The following SLC11A2 variants were observed in gnomAD, a reference collection of about 807,000 sequenced individuals.
SLC11A2 encodes the protein natural resistance-associated macrophage protein 2.
A neutral mutation model predicts 68.0 loss-of-function variants in SLC11A2; 38 were observed. The ratio of observed to expected loss-of-function variants is 0.56; its 90% confidence interval spans 0.43 to 0.73. The LOEUF is 0.73. SLC11A2 is among the 30% of genes least tolerant of loss of function. The pLI is 0.00. For missense variants in SLC11A2, 517 were observed against 690.5 expected, an observed-to-expected ratio of 0.75 and a Z score of 2.82; for synonymous variants, 242 against 250.6, an observed-to-expected ratio of 0.97 and a Z score of 0.32.
chr12:51,013,684 A>G (rs766795942), intron 1 of SLC11A2, among the ~76,000 whole-genome samples: 7 of 151,698 alleles, frequency 4.6e-5, no homozygotes, highest in Non-Finnish European at 7.4e-5. Flanking sequence ...GGCTGCGGTG[A>G]GCCATGATCG....
intron 2 of SLC11A2, among the ~76,000 whole-genome samples, 170 bp downstream of exon 2, chr12:51,010,525 A>AAAT (rs1943131492): frequency 3.3e-5 from 5 of 151,968 alleles, no homozygotes; most frequent in African/African-American, 9.6e-5. Flanking sequence ...AAAAAAAAAA[A>AAAT]AAAATCCATT....
In SLC11A2 at chr12:51,008,251, TA is replaced by T. The variant is rs55973936; in HGVS notation, c.183+224del. On this transcript the variant is annotated intron_variant, in intron 3 of 15. Transcript: ENST00000262052. ...ATAGATAGATAGATAGATAGATAGA[TA>T]GATAGATAGACGGACAGACAGACAG... 1.6e-4 allele frequency: 25 copies of T among 152,914 alleles called. 1 individual carries two copies. The Middle Eastern group carries it at 8.3e-3, about 51-fold the overall frequency. The allele number at this position is 152,914 out of a possible 1,614,324, so 9.5% of individuals were successfully genotyped here.
In SLC11A2 at chr12:51,008,325, G is replaced by A. The variant is rs547920686; in HGVS notation, c.183+151C>T. 1,607 of 528,454 alleles carry A rather than the reference G, an allele frequency of 3.0e-3. 9 individuals are homozygous for A. The highest frequency in any genetic ancestry group is 0.017 in the African/African-American group (878 of 51,014). The allele number at this position is 528,454 out of a possible 1,614,324, so 32.7% of individuals were successfully genotyped here. On this transcript the variant is annotated intron_variant, in intron 3 of 15. Coordinates refer to ENST00000262052, the MANE Select transcript of SLC11A2 (RefSeq NM_000617.3). ...GGGGTGTGTGTGTGTGTGTGTGTGT[G>A]TATATATATATATAGATATATAGAT...
intron 15 of SLC11A2, among the ~76,000 whole-genome samples, chr12:50,989,943 A>T (rs750402202): frequency 3.3e-5 from 5 of 152,204 alleles, no homozygotes; most frequent in Non-Finnish European, 7.3e-5. Flanking sequence ...ACCTGTATAG[A>T]ACAGGGAAAT....
chr12:50,953,915 A>G, the SLC11A2 span: 1 of 742,850 alleles, frequency 1.3e-6, no homozygotes, highest in Non-Finnish European at 2.3e-6. Flanking sequence ...CACATAATCA[A>G]GAGTATGATG....
chr12:50,985,866 C>T (rs1479008976), downstream of SLC11A2: 5 of 938,552 alleles, frequency 5.3e-6, no homozygotes, highest in Non-Finnish European at 6.6e-6. Flanking sequence ...AGGAGAAAAT[C>T]CTAACAGTGT....
chr12:50,987,766 A>C lies in SLC11A2; in HGVS notation c.*559T>G, dbSNP rs766363673. On this transcript the variant is annotated 3_prime_UTR_variant, in exon 16 of 16. Coordinates refer to ENST00000262052, the MANE Select transcript of SLC11A2 (RefSeq NM_000617.3). Reference sequence around the variant, plus strand: ...AGAAATTAAAGTGGAAATAAGTTCAAAGAATCCTAAGCCTGATAGAGCTAG... The same window carrying C: ...AGAAATTAAAGTGGAAATAAGTTCACAGAATCCTAAGCCTGATAGAGCTAG... 1.6e-6 allele frequency: 2 copies of C among 1,286,988 alleles called. No individual in the cohort carries two copies. The highest frequency in any genetic ancestry group is 2.5e-5 in the South Asian group (2 of 80,906). The allele number at this position is 1,286,988 out of a possible 1,614,324, so 79.7% of individuals were successfully genotyped here.
chr12:50,967,916 T>A, the SLC11A2 span, among the ~76,000 whole-genome samples: 1 of 152,038 alleles, frequency 6.6e-6, no homozygotes. Context: ...GCGAATACCC[T>A]ATCTCTACAA....
chr12:51,009,638 G>A lies in SLC11A2; in HGVS notation c.35-1014C>T, dbSNP rs573005584. The stretch of plus-strand genomic sequence containing the variant: ...TTCCAAAGAAGCTCAGATTTAGGAA[G>A]GAATAGTCAAAGCACTCAAGAAGCT... On this transcript the variant is annotated intron_variant, in intron 2 of 15. Coordinates refer to ENST00000262052, the MANE Select transcript of SLC11A2 (RefSeq NM_000617.3). Among the ~76,000 whole-genome samples, 6 of 152,286 alleles carry A rather than the reference G, an allele frequency of 3.9e-5. No individual in the cohort carries two copies. In the East Asian group the frequency reaches 1.2e-3, roughly 29 times the overall value.
At chr12:50,994,481 G>T in intron 11 of SLC11A2, 63 bp downstream of exon 11, 2 of 1,049,526 alleles carry the variant, frequency 1.9e-6, no homozygotes, top group South Asian at 2.5e-5. Flanking sequence ...TCACAAAAAA[G>T]ACCACATACT....
chr12:50,981,873 C>T, downstream of SLC11A2: 2 of 818,130 alleles, frequency 2.4e-6, no homozygotes, highest in Non-Finnish European at 3.7e-6. Flanking sequence ...TTTTAAGTAC[C>T]TATAATTAGC....
At chr12:50,977,286 G>C (rs1457704409), downstream of SLC11A2, among the ~76,000 whole-genome samples, 1 of 152,066 alleles carries the variant, frequency 6.6e-6, no homozygotes, top group Non-Finnish European at 1.5e-5. Flanking sequence ...TGGTACTGGT[G>C]CCAAAACAGA....
In SLC11A2 at chr12:51,012,613, C is replaced by T. The variant is rs150581605; in HGVS notation, c.-38-1847G>A. Reference sequence around the variant, plus strand: ...TTTGGGTAATCTTTCTATCTACCAACATATTCTGTACTTATAGAATTACAG... The same window carrying T: ...TTTGGGTAATCTTTCTATCTACCAATATATTCTGTACTTATAGAATTACAG... On this transcript the variant is annotated intron_variant, in intron 1 of 15. Coordinates refer to ENST00000262052, the MANE Select transcript of SLC11A2 (RefSeq NM_000617.3). Among the ~76,000 whole-genome samples, 861 of 152,312 alleles carry T rather than the reference C, an allele frequency of 5.7e-3. 4 individuals carry two copies. Among genetic ancestry groups the T allele is most frequent in the East Asian group, 0.036 (184 of 5,180 alleles).
intron 1 of SLC11A2, among the ~76,000 whole-genome samples, chr12:51,019,856 G>C (rs1943918678): frequency 6.6e-6 from 1 of 151,864 alleles, no homozygotes; most frequent in South Asian, 2.1e-4. Context: ...TGTTGCCCAG[G>C]CTGGTCTTGA....
intron 4 of SLC11A2, 70 bp from the exon 5 acceptor site, chr12:51,004,977 G>T (rs1296970915): frequency 5.7e-6 from 9 of 1,572,412 alleles, no homozygotes; most frequent in Non-Finnish European, 7.8e-6. Context: ...TTGTTTAGTT[G>T]TTTGGCAACA....
chr12:50,996,713 C>G, intron 9 of SLC11A2, 104 bp downstream of exon 9: 1 of 1,199,220 alleles, frequency 8.3e-7, no homozygotes, highest in East Asian at 2.3e-5. Context: ...TACCTTGCTC[C>G]TTCATGGTCC....
chr12:50,975,674 A>T (rs1475275037), downstream of SLC11A2, among the ~76,000 whole-genome samples: 1 of 152,092 alleles, frequency 6.6e-6, no homozygotes, highest in African/African-American at 2.4e-5. Context: ...GACAGAAAAA[A>T]CCCTTCAAAA....
At position 51,005,535 on chromosome 12, in the gene SLC11A2, C is replaced by T. The variant is rs1023151839; in HGVS notation, c.184-99G>A. ...TATGAAGCAACAAAATCCAGCCTCA[C>T]AAGAAAAAAGGATTTACAATGTCAG... On this transcript the variant is annotated intron_variant, in intron 3 of 15. Transcript: ENST00000262052. 3.8e-6 allele frequency: 6 copies of T among 1,573,670 alleles called. No homozygotes were observed. In the African/African-American group the frequency reaches 8.2e-5, roughly 22 times the overall value.
In SLC11A2 at chr12:51,005,347, T is replaced by C. The variant is rs377359186; in HGVS notation, c.273A>G (p.Glu91=). 3.1e-6 allele frequency: 5 copies of C among 1,613,992 alleles called. No individual in the cohort carries two copies. Among genetic ancestry groups the C allele is most frequent in the Non-Finnish European group, 4.2e-6 (5 of 1,179,924 alleles). ...SIAYLDPGNI[E]SDLQSGAVAG... ...CCACTGCTCCAGACTGCAAATCGGA[T>C]TCAATATTTCCTGGATCCAGGTAGG... The change falls in exon 4 of 16, where the codon GAA becomes GAG. Residue 91 remains glutamate, a synonymous_variant. Transcript: ENST00000262052.
Sources: allele counts gnomAD v4.1 joint callset (sites outside exome capture counted in the v4.1 genomes callset), GRCh38; gene constraint gnomAD v4.1.1; transcripts MANE v1.5; gene names NCBI Gene and HGNC (gene_info 2026-07-23, HGNC 2026-07-21).